SAXO1: variants seen among roughly 807,000 people sequenced by gnomAD.
SAXO1 encodes 4930500O09Rik.
A neutral mutation model predicts 17.5 loss-of-function variants in SAXO1; 21 were observed. That is an observed-to-expected ratio of 1.20 (90% confidence interval 0.85 to 1.72). The LOEUF is 1.72. Among genes scored for constraint, SAXO1 ranks in the 40% most tolerant of loss-of-function variants. The probability of loss-of-function intolerance (pLI) is 0.00; values close to 1 mark genes in which losing one functional copy is unlikely to be tolerated. For missense variants in SAXO1, 843 were observed against 596.0 expected (o/e 1.41, Z -4.32); for synonymous variants, 274 against 216.5 (o/e 1.27, Z -2.33).
At chr9:18,983,013 G>A (rs533072857) in intron 1 of SAXO1, among the ~76,000 whole-genome samples, 1 of 152,284 alleles carries the variant, frequency 6.6e-6, no homozygotes, top group African/African-American at 2.4e-5. Flanking sequence ...CAAACATGAG[G>A]TGACGCTTGG....
At chr9:19,008,433 T>A (rs533188348) in intron 1 of SAXO1, among the ~76,000 whole-genome samples, 38 of 152,318 alleles carry the variant, frequency 2.5e-4, no homozygotes, top group African/African-American at 9.1e-4. Flanking sequence ...CATTCTCAGA[T>A]TGAACTGACC....
chr9:18,933,223 G>T (rs1355919210), intron 3 of SAXO1, among the ~76,000 whole-genome samples: 1 of 152,176 alleles, frequency 6.6e-6, no homozygotes, highest in Admixed American at 6.5e-5. Context: ...TCCTAAGCTT[G>T]TTGAGAGCTT....
rs571955317 is a variant in SAXO1 at position 18,998,561 on chromosome 9, A to G, written c.38+34310T>C. ...ACTCTTCGGGATATTATCCAGAAGAACTTTCCCAACCTAGCAAGACAGGCC... is the reference window on the plus strand; with the variant it reads ...ACTCTTCGGGATATTATCCAGAAGAGCTTTCCCAACCTAGCAAGACAGGCC... On this transcript the variant is annotated intron_variant, in intron 1 of 3. Coordinates refer to ENST00000380534, the MANE Select transcript of SAXO1 (RefSeq NM_153707.4). 1.7e-4 allele frequency among the ~76,000 whole-genome samples: 26 copies of G among 152,336 alleles called. No individual in the cohort carries two copies. The East Asian group carries it at 5.0e-3, about 29-fold the overall frequency.
intron 1 of SAXO1, among the ~76,000 whole-genome samples, chr9:19,044,601 C>T (rs978102938): frequency 5.9e-5 from 9 of 152,182 alleles, no homozygotes; most frequent in African/African-American, 1.9e-4. Flanking sequence ...CGGTAGCTCA[C>T]GCCTGTAATC....
At chr9:18,995,055 T>C (rs1233987153) in intron 1 of SAXO1, among the ~76,000 whole-genome samples, 1 of 152,198 alleles carries the variant, frequency 6.6e-6, no homozygotes, top group Non-Finnish European at 1.5e-5. Context: ...AAAATAACTA[T>C]AAAATGTCAC....
At chr9:18,978,327 G>T (rs1187148084) in intron 1 of SAXO1, among the ~76,000 whole-genome samples, 1 of 152,138 alleles carries the variant, frequency 6.6e-6, no homozygotes, top group Non-Finnish European at 1.5e-5. Flanking sequence ...CTCACATTGT[G>T]AAACAGCAAA....
intron 1 of SAXO1, among the ~76,000 whole-genome samples, chr9:18,966,793 G>A (rs1413888769): frequency 6.6e-6 from 1 of 152,158 alleles, no homozygotes; most frequent in East Asian, 1.9e-4. Flanking sequence ...TACTGGTGAG[G>A]AGTTGTGATC....
intron 3 of SAXO1, among the ~76,000 whole-genome samples, chr9:18,931,475 G>A (rs1321246337): frequency 2.0e-5 from 3 of 152,170 alleles, no homozygotes; most frequent in African/African-American, 7.2e-5. Context: ...ATGAGCCTTT[G>A]TGAAGAAGTC....
upstream of SAXO1, among the ~76,000 whole-genome samples, chr9:19,037,581 GA>G (rs1475611656): frequency 6.6e-6 from 1 of 152,126 alleles, no homozygotes; most frequent in East Asian, 1.9e-4. Context: ...TGCCATGTAA[GA>G]AGTGCCTTTC....
At chr9:18,946,376 G>C (rs1030897363) in intron 2 of SAXO1, among the ~76,000 whole-genome samples, 3 of 146,254 alleles carry the variant, frequency 2.1e-5, no homozygotes, top group Non-Finnish European at 4.5e-5. Context: ...GAGAGTCAAA[G>C]ACAGGAAGCC....
chr9:18,930,300 GC>G (rs2131667029), intron 3 of SAXO1, among the ~76,000 whole-genome samples: 1 of 152,282 alleles, frequency 6.6e-6, no homozygotes, highest in South Asian at 2.1e-4. Context: ...ATAATGGGAG[GC>G]CTGGACCCCA....
chr9:18,990,292 T>C (rs759712959), intron 1 of SAXO1, among the ~76,000 whole-genome samples: 3 of 152,092 alleles, frequency 2.0e-5, no homozygotes, highest in Non-Finnish European at 4.4e-5. Flanking sequence ...CGCTCCCAGT[T>C]AAAATGGCAA....
Position 18,951,479 on chromosome 9 carries a change from CACTG to C in SAXO1, c.39-546_39-543del, listed in dbSNP as rs536806290. 8.5e-5 allele frequency among the ~76,000 whole-genome samples: 13 copies of C among 152,302 alleles called. No individual in the cohort carries two copies. In the South Asian group the frequency reaches 2.7e-3, roughly 32 times the overall value. Reference sequence around the variant, plus strand: ...CCTTAGTTCTGAGTCCACCAGACACCACTGACTATGTGAAACCACTTTCACATTG... The same window carrying C: ...CCTTAGTTCTGAGTCCACCAGACACCACTATGTGAAACCACTTTCACATTG... On this transcript the variant is annotated intron_variant, in intron 1 of 3. Coordinates refer to ENST00000380534, the MANE Select transcript of SAXO1 (RefSeq NM_153707.4).
chr9:18,982,748 G>T (rs1323194227), intron 1 of SAXO1, among the ~76,000 whole-genome samples: 3 of 152,166 alleles, frequency 2.0e-5, no homozygotes, highest in South Asian at 2.1e-4. Context: ...GAACATAACT[G>T]CTTTTGAAGA....
At chr9:18,996,368 T>C (rs1403944737) in intron 1 of SAXO1, among the ~76,000 whole-genome samples, 1 of 152,262 alleles carries the variant, frequency 6.6e-6, no homozygotes, top group Non-Finnish European at 1.5e-5. Context: ...AGTTTACTTA[T>C]GCAAACCTTG....
At chr9:19,031,087 A>G (rs1835745888) in intron 1 of SAXO1, among the ~76,000 whole-genome samples, 1 of 152,208 alleles carries the variant, frequency 6.6e-6, no homozygotes, top group African/African-American at 2.4e-5. Context: ...CACCCAAATG[A>G]GTCATAACCC....
Position 19,046,879 on chromosome 9 carries a change from A to T in SAXO1, c.-158+2330T>A, listed in dbSNP as rs1025263513. ...AGATCCTGTCTCTAAAAATAAATTT[A>T]AAAAATTTTTTTAAAAAGAAAAGAA... On this transcript the variant is annotated intron_variant, in intron 1 of 3. Coordinates refer to the SAXO1 transcript ENST00000542071. Among the ~76,000 whole-genome samples, 11 of 151,826 alleles carry T rather than the reference A, an allele frequency of 7.2e-5. 1 individual carries two copies. Among genetic ancestry groups the T allele is most frequent in the African/African-American group, 1.7e-4 (7 of 41,290 alleles).
intron 1 of SAXO1, among the ~76,000 whole-genome samples, chr9:19,031,380 G>T (rs1467950217): frequency 6.6e-6 from 1 of 152,024 alleles, no homozygotes. Flanking sequence ...GGACAACATG[G>T]TTGAAACCCT....
rs1421601988 is a variant in SAXO1, at chr9:18,928,206, T to C, written c.1271A>G (p.Tyr424Cys). 3.1e-6 allele frequency: 5 copies of C among 1,614,182 alleles called. No homozygotes were observed. In the African/African-American group the frequency reaches 6.7e-5, roughly 22 times the overall value. The change falls in exon 4 of 4, where the codon TAT becomes TGT. Residue 424 changes from tyrosine to cysteine, a missense_variant. Coordinates refer to ENST00000380534, the MANE Select transcript of SAXO1 (RefSeq NM_153707.4). Reference protein sequence around the residue: ...PKEMGRCLASYPEPPGYTFEE... With the variant: ...PKEMGRCLASCPEPPGYTFEE... The stretch of plus-strand genomic sequence containing the variant: ...AAAGGTGTAGCCAGGAGGCTCAGGA[T>C]ATGAAGCTAGGCACCTGCCCATTTC...
Sources: gnomAD v4.1 joint callset for allele counts (sites outside exome capture counted in the v4.1 genomes callset) on GRCh38, gnomAD v4.1.1 for gene constraint, MANE v1.5 for transcripts, NCBI Gene and HGNC (gene_info 2026-07-23, HGNC 2026-07-21) for gene names.